Variants in SKAP1 observed in about 807,000 individuals in gnomAD.
SKAP1 encodes src kinase associated phosphoprotein 1.
Under a neutral mutation model 58.5 loss-of-function variants are expected in SKAP1, and 44 were observed. The ratio of observed to expected loss-of-function variants is 0.75; its 90% CI spans 0.59 to 0.97. The LOEUF (loss-of-function observed/expected upper bound fraction) is 0.97, where lower values mean the gene tolerates loss of function less well. SKAP1 is among the 50% of genes least tolerant of loss of function. The probability of loss-of-function intolerance (pLI) is 0.00; values close to 1 mark genes in which losing one functional copy is unlikely to be tolerated. For missense variants in SKAP1, 390 were observed against 435.2 expected (o/e 0.90, Z 0.92); for synonymous variants, 127 against 149.7 (o/e 0.85, Z 1.11).
chr17:48,210,648 G>T (rs2064860833), intron 4 of SKAP1, among the ~76,000 whole-genome samples: 1 of 152,152 alleles, frequency 6.6e-6, no homozygotes, highest in African/African-American at 2.4e-5. Context: ...AACTACCCAG[G>T]ATCATTATTA....
chr17:48,395,515 A>T (rs1407293499), intron 2 of SKAP1, among the ~76,000 whole-genome samples: 1 of 152,176 alleles, frequency 6.6e-6, no homozygotes, highest in Admixed American at 6.5e-5. Context: ...AAAAAAAACT[A>T]TAGGTTACTA....
At chr17:48,397,570 A>G (rs2067437485) in intron 1 of SKAP1, among the ~76,000 whole-genome samples, 2 of 152,232 alleles carry the variant, frequency 1.3e-5, no homozygotes, top group South Asian at 2.1e-4. Context: ...AATAAGTCAC[A>G]GAAGGTCACA....
intron 4 of SKAP1, among the ~76,000 whole-genome samples, chr17:48,199,016 A>C (rs2064687497): frequency 6.6e-6 from 1 of 152,234 alleles, no homozygotes; most frequent in African/African-American, 2.4e-5. Flanking sequence ...GATCACGATT[A>C]TACATGCATC....
At chr17:48,250,281 T>TG (rs1567838168) in intron 4 of SKAP1, among the ~76,000 whole-genome samples, 9 of 115,474 alleles carry the variant, frequency 7.8e-5, no homozygotes, top group Non-Finnish European at 1.3e-4. Context: ...AGTTTTTTTT[T>TG]TTTTTTTTTT....
chr17:48,294,816 A>G (rs1469500211), intron 4 of SKAP1, among the ~76,000 whole-genome samples: 1 of 152,170 alleles, frequency 6.6e-6, no homozygotes, highest in Non-Finnish European at 1.5e-5. Flanking sequence ...AAGTGGCCTA[A>G]ATCTGGACAT....
intron 1 of SKAP1, among the ~76,000 whole-genome samples, chr17:48,422,864 T>A (rs2067812047): frequency 1.3e-5 from 2 of 152,084 alleles, no homozygotes; most frequent in African/African-American, 2.4e-5. Context: ...GGCAACTTTT[T>A]AAAAAATAAA....
At chr17:48,351,411 C>T (rs555716359) in intron 3 of SKAP1, among the ~76,000 whole-genome samples, 63 of 152,124 alleles carry the variant, frequency 4.1e-4, no homozygotes, top group African/African-American at 1.5e-3. Context: ...TCTATACAGT[C>T]GGACTTTCTG....
intron 2 of SKAP1, among the ~76,000 whole-genome samples, chr17:48,387,491 C>A (rs1179736902): frequency 6.6e-6 from 1 of 152,150 alleles, no homozygotes; most frequent in Non-Finnish European, 1.5e-5. Flanking sequence ...ACCTTCATGT[C>A]TCCTGTACAT....
At chr17:48,152,498 T>A (rs2063913552) in intron 11 of SKAP1, among the ~76,000 whole-genome samples, 1 of 152,218 alleles carries the variant, frequency 6.6e-6, no homozygotes. Context: ...TAAATCTCTG[T>A]CTAATAAATG....
At chr17:48,436,228 T>C in the SKAP1 span, among the ~76,000 whole-genome samples, 1 of 152,184 alleles carries the variant, frequency 6.6e-6, no homozygotes, top group Non-Finnish European at 1.5e-5. Context: ...CATGCCACCA[T>C]GCCAGGCTAA....
At chr17:48,275,381 T>C (rs1414049257) in intron 4 of SKAP1, among the ~76,000 whole-genome samples, 1 of 152,212 alleles carries the variant, frequency 6.6e-6, no homozygotes, top group East Asian at 1.9e-4. Flanking sequence ...TAGGGGGATC[T>C]TTGCTAGCTC....
chr17:48,230,610 G>T (rs2065115602), intron 4 of SKAP1, among the ~76,000 whole-genome samples: 1 of 152,056 alleles, frequency 6.6e-6, no homozygotes, highest in African/African-American at 2.4e-5. Context: ...CAAAAAATTA[G>T]CCAGGTGTGG....
intron 4 of SKAP1, among the ~76,000 whole-genome samples, chr17:48,337,634 AATGC>A (rs2066591871): frequency 6.6e-6 from 1 of 152,228 alleles, no homozygotes; most frequent in South Asian, 2.1e-4. Context: ...TCAGGGGCTT[AATGC>A]ACGTTATTCA....
intron 4 of SKAP1, among the ~76,000 whole-genome samples, chr17:48,337,175 C>T (rs1284102974): frequency 6.6e-6 from 1 of 152,074 alleles, no homozygotes; most frequent in Non-Finnish European, 1.5e-5. Context: ...ATTTAAGCTA[C>T]TTAGGGCCCA....
chr17:48,257,586 T>TAGC (rs2065437142), intron 4 of SKAP1, among the ~76,000 whole-genome samples: 2 of 151,826 alleles, frequency 1.3e-5, no homozygotes, highest in African/African-American at 4.8e-5. Context: ...GGAAGATGGT[T>TAGC]AGCAGCTTAA....
chr17:48,160,643 C>A (rs909489816), intron 11 of SKAP1, among the ~76,000 whole-genome samples: 1 of 152,126 alleles, frequency 6.6e-6, no homozygotes, highest in Admixed American at 6.5e-5. Context: ...TTAACAAAGG[C>A]AAAAGACATG....
rs149051956 is a variant in SKAP1, at chr17:48,214,741, G to A, written c.281-25241C>T. 8.3e-3 allele frequency among the ~76,000 whole-genome samples: 1,251 copies of A among 151,292 alleles called. 49 individuals are homozygous for A. Among genetic ancestry groups the A allele is most frequent in the Admixed American group, 0.067 (1,022 of 15,178 alleles). ...GTTCGAGACCAGCCTGGCCAACATG[G>A]TGAAACCCTGACTCTACTAAAAATA... On this transcript the variant is annotated intron_variant, in intron 4 of 12. Coordinates refer to ENST00000336915, the MANE Select transcript of SKAP1 (RefSeq NM_003726.4).
chr17:48,288,870 T>C (rs2065866503), intron 4 of SKAP1, among the ~76,000 whole-genome samples: 1 of 152,058 alleles, frequency 6.6e-6, no homozygotes, highest in African/African-American at 2.4e-5. Flanking sequence ...AAAATAAAAG[T>C]ATATAAACTT....
intron 4 of SKAP1, among the ~76,000 whole-genome samples, chr17:48,208,475 G>A (rs747052419): frequency 6.6e-6 from 1 of 152,248 alleles, no homozygotes; most frequent in Middle Eastern, 3.4e-3. Context: ...TGATGTCCCC[G>A]AGGGTTTTAC....
Sources: allele counts gnomAD v4.1 joint callset (sites outside exome capture counted in the v4.1 genomes callset), GRCh38; gene constraint gnomAD v4.1.1; transcripts MANE v1.5; gene names NCBI Gene and HGNC (gene_info 2026-07-23, HGNC 2026-07-21).